CAMK1D: variants seen among roughly 807,000 people sequenced by gnomAD.
CAMK1D encodes the protein calcium/calmodulin dependent protein kinase ID.
CAMK1D carries 9 observed loss-of-function variants against 47.7 expected under a neutral mutation model. The observed-to-expected ratio is 0.19, with a 90% CI of 0.11 to 0.33. The LOEUF is 0.33. Ranked by LOEUF, CAMK1D falls within the 10% of genes least tolerant of loss-of-function variation. The pLI, the probability that CAMK1D is intolerant of heterozygous loss-of-function variation, is 1.00. For synonymous variants in CAMK1D, 184 were observed against 184.9 expected (o/e 0.99, Z 0.04); for missense variants, 291 against 488.7 (o/e 0.60, Z 3.81).
rs1003467526 is a variant in CAMK1D at position 12,552,845 on chromosome 10, G to A, written c.93-380G>A. 1.8e-4 allele frequency among the ~76,000 whole-genome samples: 28 copies of A among 152,152 alleles called. 1 individual carries two copies. Among genetic ancestry groups the A allele is most frequent in the Admixed American group, 1.6e-3 (25 of 15,268 alleles). On this transcript the variant is annotated intron_variant, in intron 1 of 10. Transcript: ENST00000619168. Reference sequence around the variant, plus strand: ...CAACCTCTGCCTTCCAAGCTCAAGCGATTCTCCTGCCTCAGCCTCCCAAGT... The same window carrying A: ...CAACCTCTGCCTTCCAAGCTCAAGCAATTCTCCTGCCTCAGCCTCCCAAGT...
At chr10:12,704,082 G>A (rs966615461) in intron 3 of CAMK1D, among the ~76,000 whole-genome samples, 1 of 152,072 alleles carries the variant, frequency 6.6e-6, no homozygotes, top group Non-Finnish European at 1.5e-5. Flanking sequence ...GTGTAAATGT[G>A]CAAAGGGTAA....
chr10:12,672,896 C>CTTTTTTTTTTTTTTTTTTTTTT (rs750447013), intron 3 of CAMK1D, among the ~76,000 whole-genome samples: 6 of 76,498 alleles, frequency 7.8e-5, no homozygotes, highest in Admixed American at 1.4e-4. Flanking sequence ...ATAGGCTTGC[C>CTTTTTTTTTTTTTTTTTTTTTT]TTTTTTTTTT....
At chr10:12,750,555 A>T (rs1835896143) in intron 3 of CAMK1D, among the ~76,000 whole-genome samples, 1 of 152,122 alleles carries the variant, frequency 6.6e-6, no homozygotes, top group Non-Finnish European at 1.5e-5. Flanking sequence ...TGAGGCACCC[A>T]CTCCAAGCTA....
chr10:12,425,122 C>T (rs1353749239), intron 1 of CAMK1D, among the ~76,000 whole-genome samples: 3 of 152,138 alleles, frequency 2.0e-5, no homozygotes, highest in Non-Finnish European at 2.9e-5. Context: ...GCCTTGACCA[C>T]GTGGTCCATC....
chr10:12,375,782 G>A lies in CAMK1D; in HGVS notation c.92+25872G>A, dbSNP rs1051661595. On this transcript the variant is annotated intron_variant, in intron 1 of 10. Coordinates refer to ENST00000619168, the MANE Select transcript of CAMK1D (RefSeq NM_153498.4). ...TGACATGATTTATGGGAAGCAGTGT[G>A]TATTTGGCGTTTTTCATTTTTTACC... 2.6e-5 allele frequency among the ~76,000 whole-genome samples: 4 copies of A among 152,114 alleles called. No homozygotes were observed. In the East Asian group the frequency reaches 7.7e-4, roughly 29 times the overall value.
chr10:12,682,545 G>C (rs1832484056), intron 3 of CAMK1D, among the ~76,000 whole-genome samples: 1 of 152,158 alleles, frequency 6.6e-6, no homozygotes, highest in Non-Finnish European at 1.5e-5. Flanking sequence ...CATTTAGCAA[G>C]ATTTGCTGTG....
chr10:12,554,713 A>T (rs368203347), intron 2 of CAMK1D, among the ~76,000 whole-genome samples: 2 of 148,804 alleles, frequency 1.3e-5, no homozygotes, highest in African/African-American at 4.9e-5. Flanking sequence ...ATTAAAAAAA[A>T]ATTTTTTTTT....
chr10:12,534,702 A>T (rs1052882318), intron 1 of CAMK1D, among the ~76,000 whole-genome samples: 25 of 152,190 alleles, frequency 1.6e-4, no homozygotes, highest in Non-Finnish European at 1.9e-4. Context: ...AAAATAAGCC[A>T]TTATTTTTCT....
At chr10:12,441,448 T>C (rs1219248354) in intron 1 of CAMK1D, among the ~76,000 whole-genome samples, 1 of 152,080 alleles carries the variant, frequency 6.6e-6, no homozygotes, top group Admixed American at 6.6e-5. Context: ...CCACCCACTT[T>C]GGCCTTTCAA....
At chr10:12,769,822 CAT>C (rs767701852) in intron 5 of CAMK1D, 23 bp downstream of exon 5, 18 of 1,613,146 alleles carry the variant, frequency 1.1e-5, no homozygotes, top group Non-Finnish European at 1.5e-5. Context: ...CATGTGCACA[CAT>C]GTGCCCGTGT....
chr10:12,402,474 C>T (rs979649780), intron 1 of CAMK1D, among the ~76,000 whole-genome samples: 1 of 152,050 alleles, frequency 6.6e-6, no homozygotes, highest in Non-Finnish European at 1.5e-5. Flanking sequence ...TCAAGTGACC[C>T]GCCTGCCTCG....
At chr10:12,477,760 C>A (rs557044816) in intron 1 of CAMK1D, among the ~76,000 whole-genome samples, 1 of 152,230 alleles carries the variant, frequency 6.6e-6, no homozygotes, top group African/African-American at 2.4e-5. Flanking sequence ...AGGGAGTGCT[C>A]ACCTGTGCGA....
intron 3 of CAMK1D, among the ~76,000 whole-genome samples, chr10:12,691,258 C>G (rs1206620523): frequency 6.6e-6 from 1 of 151,168 alleles, no homozygotes; most frequent in Non-Finnish European, 1.5e-5. Flanking sequence ...GGAAGGCAGC[C>G]TCCAGTGTCG....
At chr10:12,563,678 AGAGAGAGAGAGAGAGAGAGAGG>A in intron 2 of CAMK1D, among the ~76,000 whole-genome samples, 1 of 104,878 alleles carries the variant, frequency 9.5e-6, no homozygotes, top group Non-Finnish European at 2.3e-5. Context: ...AGAGAGAGAG[AGAGAGAGAGAGAGAGAGAGAGG>A]GAGAGAGAGG....
intron 1 of CAMK1D, among the ~76,000 whole-genome samples, chr10:12,545,231 G>GAGGAGGAAATAAGAGGCCAAA (rs1564402804): frequency 4.6e-4 from 1 of 2,182 alleles, no homozygotes; most frequent in Non-Finnish European, 5.3e-3. Context: ...AAAAACCTCA[G>GAGGAGGAAATAAGAGGCCAAA]GTGTTCGAGA....
chr10:12,479,646 G>A (rs1236970857), intron 1 of CAMK1D, among the ~76,000 whole-genome samples: 1 of 152,200 alleles, frequency 6.6e-6, no homozygotes, highest in Non-Finnish European at 1.5e-5. Context: ...CGCCCCACAG[G>A]TGTGCTCTGG....
At chr10:12,539,072 C>T (rs1455830032) in intron 1 of CAMK1D, among the ~76,000 whole-genome samples, 1 of 152,064 alleles carries the variant, frequency 6.6e-6, no homozygotes, top group Non-Finnish European at 1.5e-5. Context: ...TGGCCTCCGT[C>T]GTATTTTTAG....
rs1394473806 is a variant in CAMK1D, at chr10:12,791,148, C to T, written c.566-10C>T. On this transcript the variant is annotated splice_polypyrimidine_tract_variant and intron_variant, in intron 5 of 10. Transcript: ENST00000619168. ...TTGTCAGGCTGTGTCTTTTCTTTGT[C>T]TTTCTGCAGCTCCTGAAGTCCTCGC... 1 of 1,613,814 alleles carries T rather than the reference C, an allele frequency of 6.2e-7. No individual in the cohort carries two copies. The highest frequency in any genetic ancestry group is 8.5e-7 in the Non-Finnish European group (1 of 1,179,788).
intron 3 of CAMK1D, among the ~76,000 whole-genome samples, chr10:12,738,906 T>C (rs1317648112): frequency 1.3e-5 from 2 of 152,056 alleles, no homozygotes; most frequent in Non-Finnish European, 2.9e-5. Context: ...AATTACCTTA[T>C]GAGGTATGTG....
Sources: allele counts gnomAD v4.1 joint callset (sites outside exome capture counted in the v4.1 genomes callset), GRCh38; gene constraint gnomAD v4.1.1; transcripts MANE v1.5; gene names NCBI Gene and HGNC (gene_info 2026-07-23, HGNC 2026-07-21).